The following ZFP1 variants were observed in gnomAD, a reference collection of about 807,000 sequenced individuals.
The protein encoded by ZFP1 is zinc finger protein 1 homolog.
Under a neutral mutation model 38.5 loss-of-function variants are expected in ZFP1, and 32 were observed. The ratio of observed to expected loss-of-function variants is 0.83; its 90% CI spans 0.63 to 1.12. The LOEUF (loss-of-function observed/expected upper bound fraction) is 1.12, where lower values mean the gene tolerates loss of function less well. Among genes scored for constraint, ZFP1 ranks in the 50% most tolerant of loss-of-function variants. The pLI is 0.00. For missense variants in ZFP1, 616 were observed against 480.8 expected (o/e 1.28, Z -2.63); for synonymous variants, 245 against 168.8 (o/e 1.45, Z -3.50).
intron 2 of ZFP1, among the ~76,000 whole-genome samples, chr16:75,164,476 T>A (rs1248635873): frequency 6.6e-6 from 1 of 152,250 alleles, no homozygotes; most frequent in African/African-American, 2.4e-5. Context: ...ATTCCATATT[T>A]GCATACTTTT....
upstream of ZFP1, among the ~76,000 whole-genome samples, chr16:75,144,894 A>C (rs1193803527): frequency 6.6e-6 from 1 of 152,108 alleles, no homozygotes; most frequent in African/African-American, 2.4e-5. Context: ...GCAGTCGTGC[A>C]ATCATAGGTC....
intron 3 of ZFP1, 90 bp from the exon 4 acceptor site, chr16:75,169,162 CT>C: frequency 6.9e-7 from 1 of 1,451,258 alleles, no homozygotes; most frequent in East Asian, 2.3e-5. Flanking sequence ...AGAGTCAGCC[CT>C]GTGATAGAAC....
intron 2 of ZFP1, among the ~76,000 whole-genome samples, chr16:75,163,552 T>C (rs1207435788): frequency 6.6e-6 from 1 of 152,034 alleles, no homozygotes; most frequent in African/African-American, 2.4e-5. Flanking sequence ...CCTCAGGTGA[T>C]CCACCTGCGT....
chr16:75,166,697 CAT>C (rs71380707), intron 2 of ZFP1, 71 bp from the exon 3 acceptor site: 441,725 of 1,608,418 alleles, frequency 0.27, 65,419 homozygotes, highest in Non-Finnish European at 0.31. Flanking sequence ...TGATGAATGA[CAT>C]AAAGTTTTCA....
intron 1 of ZFP1, among the ~76,000 whole-genome samples, chr16:75,151,191 TA>T (rs1424423984): frequency 6.6e-6 from 1 of 151,874 alleles, no homozygotes; most frequent in Non-Finnish European, 1.5e-5. Context: ...TTTTTTTTTT[TA>T]ATTTCCTGAC....
At chr16:75,124,237 C>A in the ZFP1 span, among the ~76,000 whole-genome samples, 1 of 150,140 alleles carries the variant, frequency 6.7e-6, no homozygotes, top group South Asian at 2.1e-4. Context: ...AAGCTCACTG[C>A]AACCTCTGCC....
the ZFP1 span, among the ~76,000 whole-genome samples, chr16:75,120,787 G>GTTTA: frequency 1.3e-5 from 2 of 151,696 alleles, no homozygotes; most frequent in Non-Finnish European, 2.9e-5. Context: ...TTGTTTGTTT[G>GTTTA]TTTGTTTGTT....
chr16:75,160,291 G>A (rs1258418786), intron 2 of ZFP1, among the ~76,000 whole-genome samples: 5 of 152,164 alleles, frequency 3.3e-5, no homozygotes, highest in Admixed American at 6.6e-5. Flanking sequence ...TCAGCACTTT[G>A]AAGGGCCAAG....
chr16:75,127,278 C>G, the ZFP1 span, among the ~76,000 whole-genome samples: 1 of 151,952 alleles, frequency 6.6e-6, no homozygotes, highest in African/African-American at 2.4e-5. Context: ...GGGAAAGAGT[C>G]TCCCTCTGTT....
chr16:75,119,906 GA>G, the ZFP1 span, among the ~76,000 whole-genome samples: 6 of 147,208 alleles, frequency 4.1e-5, no homozygotes, highest in South Asian at 2.1e-4. Flanking sequence ...CCAGCAAAAG[GA>G]AAAAAAAAAG....
the ZFP1 span, among the ~76,000 whole-genome samples, chr16:75,138,896 G>A: frequency 1.3e-5 from 2 of 152,170 alleles, no homozygotes; most frequent in African/African-American, 4.8e-5. Flanking sequence ...GGTCCTTTGT[G>A]ATGACAGCTC....
intron 3 of ZFP1, among the ~76,000 whole-genome samples, chr16:75,167,668 C>T (rs888168854): frequency 3.3e-5 from 5 of 152,112 alleles, no homozygotes; most frequent in East Asian, 1.9e-4. Context: ...GGTGACATCA[C>T]GGTGCACTGT....
the ZFP1 span, among the ~76,000 whole-genome samples, chr16:75,131,761 C>G: frequency 1.3e-5 from 2 of 152,106 alleles, no homozygotes; most frequent in African/African-American, 4.8e-5. Flanking sequence ...GTCAGGAGTT[C>G]GAGACCAGCC....
intron 2 of ZFP1, among the ~76,000 whole-genome samples, chr16:75,156,340 C>T (rs1041580802): frequency 1.3e-5 from 2 of 152,092 alleles, no homozygotes; most frequent in Non-Finnish European, 2.9e-5. Context: ...GCCTGTAATC[C>T]CAGCTACTTC....
the ZFP1 span, among the ~76,000 whole-genome samples, chr16:75,141,031 C>T: frequency 6.6e-6 from 1 of 151,938 alleles, no homozygotes; most frequent in Non-Finnish European, 1.5e-5. Flanking sequence ...CATTTTGAAA[C>T]CTGGCAAGGA....
chr16:75,153,095 C>A, intron 2 of ZFP1, 129 bp downstream of exon 2: 1 of 1,257,418 alleles, frequency 8.0e-7, no homozygotes, highest in Non-Finnish European at 1.1e-6. Flanking sequence ...CTAATCAATA[C>A]CAGCAGCCAA....
At chr16:75,151,731 C>G (rs895534609) in intron 1 of ZFP1, among the ~76,000 whole-genome samples, 1 of 151,842 alleles carries the variant, frequency 6.6e-6, no homozygotes, top group Non-Finnish European at 1.5e-5. Context: ...TGATTAAAAG[C>G]AAGAAAAAGT....
intron 1 of ZFP1, among the ~76,000 whole-genome samples, chr16:75,150,366 A>C (rs1442942252): frequency 1.6e-5 from 2 of 125,494 alleles, no homozygotes; most frequent in African/African-American, 6.1e-5. Flanking sequence ...CCGCCACTAC[A>C]CCTGGCTAAT....
chr16:75,145,169 A>G (rs137959635), upstream of ZFP1, among the ~76,000 whole-genome samples: 1 of 152,344 alleles, frequency 6.6e-6, no homozygotes, highest in East Asian at 1.9e-4. Context: ...ACATTGGTGT[A>G]AACACCTTTC....
Sources: gnomAD v4.1 joint callset for allele counts (sites outside exome capture counted in the v4.1 genomes callset) on GRCh38, gnomAD v4.1.1 for gene constraint, MANE v1.5 for transcripts, NCBI Gene and HGNC (gene_info 2026-07-23, HGNC 2026-07-21) for gene names.